The following CDH12 variants were observed in gnomAD, a reference collection of about 807,000 sequenced individuals.
CDH12 encodes the protein cadherin-12.
A neutral mutation model predicts 74.1 loss-of-function variants in CDH12; 41 were observed. The observed-to-expected ratio is 0.55, with a 90% CI of 0.43 to 0.72. The LOEUF (loss-of-function observed/expected upper bound fraction) is 0.72, where lower values mean the gene tolerates loss of function less well. Ranked by LOEUF, CDH12 falls within the 30% of genes least tolerant of loss-of-function variation. The pLI is 0.00. For missense variants in CDH12, 945 were observed against 977.2 expected, an observed-to-expected ratio of 0.97 and a Z score of 0.44; for synonymous variants, 399 against 355.0, an observed-to-expected ratio of 1.12 and a Z score of -1.39.
At chr5:22,364,875 A>G (rs781043490) in intron 3 of CDH12, among the ~76,000 whole-genome samples, 3 of 152,208 alleles carry the variant, frequency 2.0e-5, no homozygotes, top group Non-Finnish European at 4.4e-5. Flanking sequence ...AATCAGGCCA[A>G]TAACAAAATT....
intron 5 of CDH12, among the ~76,000 whole-genome samples, chr5:21,976,473 AAT>A (rs1447131492): frequency 6.6e-6 from 1 of 150,676 alleles, no homozygotes; most frequent in Non-Finnish European, 1.5e-5. Flanking sequence ...CATAAAATAA[AAT>A]AGTGCATCAT....
At chr5:21,937,194 T>C (rs1485879797) in intron 6 of CDH12, among the ~76,000 whole-genome samples, 3 of 152,048 alleles carry the variant, frequency 2.0e-5, no homozygotes, top group Non-Finnish European at 4.4e-5. Flanking sequence ...AATAGGACAA[T>C]ATGGGAGAAT....
At chr5:22,842,010 A>T (rs1340507421) in intron 1 of CDH12, among the ~76,000 whole-genome samples, 1 of 152,190 alleles carries the variant, frequency 6.6e-6, no homozygotes, top group Admixed American at 6.5e-5. Flanking sequence ...AATAACAATA[A>T]TCATGTAGGT....
chr5:22,263,068 C>G (rs1342351725), intron 3 of CDH12, among the ~76,000 whole-genome samples: 1 of 151,924 alleles, frequency 6.6e-6, no homozygotes, highest in East Asian at 1.9e-4. Flanking sequence ...ATTTATGCAG[C>G]CAAAAAATAC....
At chr5:22,778,768 G>T (rs1413331365) in intron 1 of CDH12, among the ~76,000 whole-genome samples, 1 of 151,758 alleles carries the variant, frequency 6.6e-6, no homozygotes, top group Non-Finnish European at 1.5e-5. Flanking sequence ...AAATAATTTG[G>T]TTGAAATATA....
chr5:22,681,671 T>C (rs1054309302), intron 1 of CDH12, among the ~76,000 whole-genome samples: 1 of 152,088 alleles, frequency 6.6e-6, no homozygotes, highest in Non-Finnish European at 1.5e-5. Flanking sequence ...CAAAGATCTA[T>C]AAGTAAAGGA....
At chr5:22,617,201 C>T (rs1389194147) in intron 1 of CDH12, among the ~76,000 whole-genome samples, 1 of 151,882 alleles carries the variant, frequency 6.6e-6, no homozygotes, top group Non-Finnish European at 1.5e-5. Flanking sequence ...AAAGAGGCCC[C>T]AGAGAGCTGC....
chr5:21,977,839 A>G (rs1757135656), intron 5 of CDH12, among the ~76,000 whole-genome samples: 1 of 152,206 alleles, frequency 6.6e-6, no homozygotes, highest in Non-Finnish European at 1.5e-5. Flanking sequence ...GGATGACTAT[A>G]AAACTCGTGA....
intron 4 of CDH12, among the ~76,000 whole-genome samples, chr5:22,165,485 C>A (rs186026669): frequency 1.4e-5 from 1 of 69,966 alleles, no homozygotes; most frequent in East Asian, 4.6e-4. Context: ...AACACACATA[C>A]ACATACACAT....
intron 1 of CDH12, among the ~76,000 whole-genome samples, chr5:22,747,036 A>G (rs761647660): frequency 6.6e-6 from 1 of 152,176 alleles, no homozygotes; most frequent in Non-Finnish European, 1.5e-5. Flanking sequence ...CTGTCTTCCA[A>G]CATCTACTTT....
At chr5:22,774,858 G>A (rs774018267) in intron 1 of CDH12, among the ~76,000 whole-genome samples, 5 of 152,032 alleles carry the variant, frequency 3.3e-5, no homozygotes, top group Non-Finnish European at 5.9e-5. Flanking sequence ...AGGGGCAAAG[G>A]CTGAACAACT....
At chr5:22,580,293 T>C in intron 1 of CDH12, 1 of 397,430 alleles carries the variant, frequency 2.5e-6, no homozygotes, top group South Asian at 1.9e-5. Context: ...AAAGAGGTCG[T>C]CGATGTCAAG....
chr5:22,742,916 G>C (rs1218408925), intron 1 of CDH12, among the ~76,000 whole-genome samples: 1 of 151,856 alleles, frequency 6.6e-6, no homozygotes, highest in East Asian at 1.9e-4. Context: ...TGTTTTGGAT[G>C]AGATTAACAT....
intron 1 of CDH12, among the ~76,000 whole-genome samples, chr5:22,558,511 AG>A (rs1257522456): frequency 6.6e-6 from 1 of 152,152 alleles, no homozygotes; most frequent in Non-Finnish European, 1.5e-5. Flanking sequence ...TGAACTTTGC[AG>A]GGGACAACCT....
At chr5:22,740,693 T>G (rs367806513) in intron 1 of CDH12, among the ~76,000 whole-genome samples, 3 of 152,110 alleles carry the variant, frequency 2.0e-5, no homozygotes, top group African/African-American at 7.2e-5. Context: ...GAATCTGTTA[T>G]TGATTCCTTC....
At chr5:22,122,157 C>T (rs1373189532) in intron 4 of CDH12, among the ~76,000 whole-genome samples, 1 of 152,172 alleles carries the variant, frequency 6.6e-6, no homozygotes, top group Non-Finnish European at 1.5e-5. Context: ...AATCCCAGCA[C>T]TTTTGGAGGC....
intron 1 of CDH12, among the ~76,000 whole-genome samples, chr5:22,556,925 G>T (rs981222438): frequency 6.6e-6 from 1 of 151,962 alleles, no homozygotes; most frequent in Non-Finnish European, 1.5e-5. Context: ...CTGTTGGAAG[G>T]TTGGAGCCTG....
intron 1 of CDH12, among the ~76,000 whole-genome samples, chr5:22,739,317 CT>C: frequency 1.3e-5 from 1 of 74,950 alleles, no homozygotes; most frequent in South Asian, 4.9e-4. Context: ...AAAAATTTTA[CT>C]TTTTTTTACT....
intron 4 of CDH12, among the ~76,000 whole-genome samples, chr5:22,105,502 A>G (rs920285381): frequency 1.3e-4 from 20 of 150,672 alleles, no homozygotes; most frequent in Non-Finnish European, 2.7e-4. Flanking sequence ...GTTCGAGACC[A>G]GCCTGGCCTA....
Sources: allele counts gnomAD v4.1 joint callset (sites outside exome capture counted in the v4.1 genomes callset), GRCh38; gene constraint gnomAD v4.1.1; transcripts MANE v1.5; gene names NCBI Gene and HGNC (gene_info 2026-07-23, HGNC 2026-07-21).